The following SUGCT variants were observed in gnomAD, a reference collection of about 807,000 sequenced individuals.
The protein encoded by SUGCT is succinyl-CoA:glutarate CoA-transferase.
SUGCT carries 41 observed loss-of-function variants against 55.0 expected under a neutral mutation model. The observed-to-expected ratio is 0.74, with a 90% CI of 0.58 to 0.97. SUGCT has a LOEUF of 0.97. SUGCT is among the 50% of genes least tolerant of loss of function. The pLI, the probability that SUGCT is intolerant of heterozygous loss-of-function variation, is 0.00. For synonymous variants in SUGCT, 187 were observed against 200.4 expected (o/e 0.93, Z 0.56); for missense variants, 568 against 547.8 (o/e 1.04, Z -0.37).
intron 3 of SUGCT, among the ~76,000 whole-genome samples, chr7:40,188,167 C>G (rs926403891): frequency 6.6e-6 from 1 of 152,036 alleles, no homozygotes; most frequent in South Asian, 2.1e-4. Context: ...GGCGCGGTGG[C>G]TCACGCCTGT....
chr7:40,932,743 C>T, the SUGCT span, among the ~76,000 whole-genome samples: 1 of 149,194 alleles, frequency 6.7e-6, no homozygotes, highest in South Asian at 2.1e-4. Context: ...ACTAGGTTTG[C>T]AACCTCTGCT....
intron 12 of SUGCT, among the ~76,000 whole-genome samples, chr7:40,619,149 G>A (rs1799149785): frequency 6.6e-6 from 1 of 152,080 alleles, no homozygotes; most frequent in Non-Finnish European, 1.5e-5. Flanking sequence ...TATTTACAAA[G>A]GCCCATGGGC....
At chr7:40,968,566 G>T in the SUGCT span, among the ~76,000 whole-genome samples, 1 of 152,214 alleles carries the variant, frequency 6.6e-6, no homozygotes, top group Non-Finnish European at 1.5e-5. Context: ...CCACCTCCAA[G>T]GTGAGGTTCA....
chr7:40,717,092 A>G (rs1392571315), intron 12 of SUGCT, among the ~76,000 whole-genome samples: 4 of 152,212 alleles, frequency 2.6e-5, no homozygotes, highest in East Asian at 1.9e-4. Context: ...AGTTTAAAAT[A>G]TGCACCCTTT....
intron 7 of SUGCT, among the ~76,000 whole-genome samples, chr7:40,268,626 A>G (rs778149970): frequency 3.3e-5 from 5 of 151,824 alleles, no homozygotes; most frequent in Non-Finnish European, 4.4e-5. Context: ...TTTTGTGAGG[A>G]CACATGCTTT....
chr7:40,492,693 A>T (rs1319610931), intron 11 of SUGCT, among the ~76,000 whole-genome samples: 1 of 152,162 alleles, frequency 6.6e-6, no homozygotes, highest in Non-Finnish European at 1.5e-5. Flanking sequence ...GTCTAATTCT[A>T]ACTTGTCTTT....
intron 12 of SUGCT, among the ~76,000 whole-genome samples, chr7:40,624,974 T>TC (rs562213220): frequency 3.3e-5 from 5 of 151,914 alleles, no homozygotes; most frequent in Non-Finnish European, 2.9e-5. Context: ...TTCTTATCTT[T>TC]CCCCCCCAGT....
At chr7:40,648,894 A>G (rs984612289) in intron 12 of SUGCT, among the ~76,000 whole-genome samples, 20 of 152,146 alleles carry the variant, frequency 1.3e-4, no homozygotes, top group African/African-American at 4.6e-4. Flanking sequence ...GGGAGGATAC[A>G]TTTTTGTGTT....
chr7:40,565,645 T>C (rs1796089596), intron 12 of SUGCT, among the ~76,000 whole-genome samples: 1 of 152,118 alleles, frequency 6.6e-6, no homozygotes, highest in African/African-American at 2.4e-5. Flanking sequence ...CTTTCCATCA[T>C]GATGAGCGTG....
At chr7:40,418,821 C>T (rs1241248501) in intron 9 of SUGCT, among the ~76,000 whole-genome samples, 1 of 152,126 alleles carries the variant, frequency 6.6e-6, no homozygotes, top group Non-Finnish European at 1.5e-5. Flanking sequence ...GACATTTTTC[C>T]TCTGCCCTGT....
chr7:40,670,161 C>A (rs1164828344), intron 12 of SUGCT, among the ~76,000 whole-genome samples: 1 of 109,760 alleles, frequency 9.1e-6, no homozygotes, highest in Non-Finnish European at 1.7e-5. Flanking sequence ...ACACAGGAGA[C>A]TCCATCTCAA....
intron 13 of SUGCT, among the ~76,000 whole-genome samples, chr7:40,764,038 G>C (rs1788660495): frequency 6.6e-6 from 1 of 152,128 alleles, no homozygotes; most frequent in Admixed American, 6.6e-5. Flanking sequence ...ACAGCAGAGG[G>C]AGGTCTTTTC....
chr7:40,225,482 G>T (rs1788286127), intron 6 of SUGCT, among the ~76,000 whole-genome samples: 2 of 150,796 alleles, frequency 1.3e-5, no homozygotes, highest in Non-Finnish European at 1.5e-5. Flanking sequence ...TGTCGCCCAG[G>T]CTGTAGTACA....
intron 13 of SUGCT, among the ~76,000 whole-genome samples, chr7:40,791,879 G>A (rs1205807778): frequency 1.3e-5 from 2 of 152,118 alleles, no homozygotes; most frequent in African/African-American, 4.8e-5. Context: ...AATTAATCAG[G>A]AATACTACAA....
At chr7:40,215,883 A>T (rs920555249) in intron 6 of SUGCT, among the ~76,000 whole-genome samples, 1 of 151,908 alleles carries the variant, frequency 6.6e-6, no homozygotes, top group Admixed American at 6.6e-5. Context: ...AAATTAAGAG[A>T]TTAAGCCATT....
At chr7:40,832,175 C>G (rs1337135729) in intron 13 of SUGCT, among the ~76,000 whole-genome samples, 1 of 152,134 alleles carries the variant, frequency 6.6e-6, no homozygotes, top group African/African-American at 2.4e-5. Flanking sequence ...GGTGGTGACA[C>G]AGAGTCCTGA....
At chr7:40,528,439 T>C (rs1377386160) in intron 12 of SUGCT, among the ~76,000 whole-genome samples, 2 of 152,222 alleles carry the variant, frequency 1.3e-5, no homozygotes, top group Non-Finnish European at 2.9e-5. Context: ...GATACACTTC[T>C]ACTATTAGAA....
intron 12 of SUGCT, among the ~76,000 whole-genome samples, chr7:40,638,281 T>C (rs1213231840): frequency 6.6e-6 from 1 of 152,222 alleles, no homozygotes; most frequent in Non-Finnish European, 1.5e-5. Flanking sequence ...GTGGTTTATT[T>C]TTTTAAAAAT....
chr7:40,489,374 G>A (rs545502906), intron 11 of SUGCT, among the ~76,000 whole-genome samples: 2 of 151,768 alleles, frequency 1.3e-5, no homozygotes, highest in Admixed American at 6.6e-5. Context: ...TAAGTTCACT[G>A]AGCTTCCTTA....
Sources: gnomAD v4.1 joint callset for allele counts (sites outside exome capture counted in the v4.1 genomes callset) on GRCh38, gnomAD v4.1.1 for gene constraint, MANE v1.5 for transcripts, NCBI Gene and HGNC (gene_info 2026-07-23, HGNC 2026-07-21) for gene names.